The following CDH12 variants were observed in gnomAD, a reference collection of about 807,000 sequenced individuals.
CDH12 encodes the protein cadherin 12, also known as cadherin-12.
In CDH12, 41 loss-of-function variants were observed where a neutral mutation model predicts 74.1. The ratio of observed to expected loss-of-function variants is 0.55; its 90% CI spans 0.43 to 0.72. The LOEUF is 0.72. Among genes scored for constraint, CDH12 ranks in the 30% least tolerant of loss-of-function variants. The pLI is 0.00. For synonymous variants in CDH12, 399 were observed against 355.0 expected (o/e 1.12, Z -1.39); for missense variants, 945 against 977.2 (o/e 0.97, Z 0.44).
chr5:21,874,378 C>T (rs377064521), intron 6 of CDH12, among the ~76,000 whole-genome samples: 1 of 152,184 alleles, frequency 6.6e-6, no homozygotes, highest in Non-Finnish European at 1.5e-5. Context: ...GGGAAGGTGA[C>T]CGCATCCACC....
intron 1 of CDH12, among the ~76,000 whole-genome samples, chr5:22,790,274 G>A (rs1747841947): frequency 6.6e-6 from 1 of 151,926 alleles, no homozygotes; most frequent in Admixed American, 6.6e-5. Context: ...AGTTAAGGTG[G>A]CCTAGTGATA....
intron 1 of CDH12, among the ~76,000 whole-genome samples, chr5:22,689,842 A>T (rs1296181327): frequency 6.6e-6 from 1 of 152,104 alleles, no homozygotes; most frequent in East Asian, 1.9e-4. Flanking sequence ...GACAGAGATG[A>T]GTGGACAAAG....
intron 1 of CDH12, among the ~76,000 whole-genome samples, chr5:22,790,915 C>T (rs2126382390): frequency 6.6e-6 from 1 of 152,150 alleles, no homozygotes; most frequent in Admixed American, 6.5e-5. Flanking sequence ...ATTGAAAAGA[C>T]ACCTATGGCA....
chr5:21,905,763 A>C (rs963808575), intron 6 of CDH12, among the ~76,000 whole-genome samples: 1 of 152,176 alleles, frequency 6.6e-6, no homozygotes, highest in African/African-American at 2.4e-5. Context: ...TAAAGTATCT[A>C]TTGTTGCTCT....
intron 5 of CDH12, among the ~76,000 whole-genome samples, chr5:21,987,611 G>A (rs527516688): frequency 3.2e-4 from 48 of 152,294 alleles, no homozygotes; most frequent in Middle Eastern, 6.8e-3. Context: ...GAACAGAAAA[G>A]TTGAGTCTTA....
At chr5:22,343,323 CAGAGAGAGAGAGAGAGAGAGAG>C (rs377016972) in intron 3 of CDH12, among the ~76,000 whole-genome samples, 83 of 136,348 alleles carry the variant, frequency 6.1e-4, no homozygotes, top group African/African-American at 2.3e-3. Context: ...GACACACACA[CAGAGAGAGAGAGAGAGAGAGAG>C]AGAGAGAGAG....
At chr5:21,987,594 T>C (rs1757571349) in intron 5 of CDH12, among the ~76,000 whole-genome samples, 1 of 152,232 alleles carries the variant, frequency 6.6e-6, no homozygotes, top group African/African-American at 2.4e-5. Context: ...ATAGGATCTC[T>C]TGATCAGAAC....
chr5:22,183,032 T>G (rs1749729361), intron 4 of CDH12, among the ~76,000 whole-genome samples: 1 of 150,362 alleles, frequency 6.7e-6, no homozygotes, highest in Admixed American at 6.7e-5. Flanking sequence ...GAAACAAATT[T>G]GACAGTCATT....
At chr5:22,551,333 A>C (rs1372151597) in intron 1 of CDH12, among the ~76,000 whole-genome samples, 1 of 152,188 alleles carries the variant, frequency 6.6e-6, no homozygotes, top group Non-Finnish European at 1.5e-5. Context: ...AACTGAAAGA[A>C]AACAAATGTC....
At chr5:22,740,069 A>G (rs920669371) in intron 1 of CDH12, among the ~76,000 whole-genome samples, 2 of 152,166 alleles carry the variant, frequency 1.3e-5, no homozygotes, top group African/African-American at 4.8e-5. Context: ...TGGGGCAAAC[A>G]GGAATAAGTT....
chr5:21,803,070 A>G (rs987999460), intron 9 of CDH12, among the ~76,000 whole-genome samples: 3 of 152,114 alleles, frequency 2.0e-5, no homozygotes, highest in Non-Finnish European at 4.4e-5. Context: ...CTCTGCTCTT[A>G]TCCAATACTG....
At chr5:22,766,814 A>G (rs1746538691) in intron 1 of CDH12, among the ~76,000 whole-genome samples, 1 of 152,108 alleles carries the variant, frequency 6.6e-6, no homozygotes, top group South Asian at 2.1e-4. Flanking sequence ...TAATTTAGAG[A>G]TGAGTTAAAG....
intron 1 of CDH12, among the ~76,000 whole-genome samples, chr5:22,722,585 A>T (rs1033263763): frequency 6.6e-6 from 1 of 150,508 alleles, no homozygotes; most frequent in East Asian, 1.9e-4. Flanking sequence ...TTAAATACTC[A>T]CAAGTTCAAG....
chr5:22,760,682 AAAAAAAAAAAAAAAAAAAC>A (rs1368626530), intron 1 of CDH12, among the ~76,000 whole-genome samples: 2 of 149,644 alleles, frequency 1.3e-5, no homozygotes, highest in African/African-American at 4.9e-5. Flanking sequence ...CCGTCTCAAA[AAAAAAAAAAAAAAAAAAAC>A]AAAAAAAAAA....
chr5:22,222,077 A>G (rs1285287068), intron 3 of CDH12, among the ~76,000 whole-genome samples: 2 of 152,002 alleles, frequency 1.3e-5, no homozygotes, highest in African/African-American at 4.8e-5. Flanking sequence ...TACTGGATAT[A>G]AAATAGTCAC....
chr5:21,976,485 T>A (rs1757077212), intron 5 of CDH12, among the ~76,000 whole-genome samples: 1 of 150,526 alleles, frequency 6.6e-6, no homozygotes, highest in Non-Finnish European at 1.5e-5. Flanking sequence ...TAGTGCATCA[T>A]ATATAATTTT....
At chr5:22,466,869 A>G (rs2126597102) in intron 2 of CDH12, among the ~76,000 whole-genome samples, 1 of 132,994 alleles carries the variant, frequency 7.5e-6, no homozygotes, top group Middle Eastern at 4.9e-3. Flanking sequence ...GCTCACTGCA[A>G]CCTCTGCCTC....
intron 3 of CDH12, among the ~76,000 whole-genome samples, chr5:22,306,535 T>C (rs1164375773): frequency 1.3e-5 from 2 of 152,188 alleles, no homozygotes; most frequent in Non-Finnish European, 2.9e-5. Flanking sequence ...AGAAATTTAC[T>C]TTACTTTTCT....
chr5:22,637,597 G>C (rs966199676), intron 1 of CDH12, among the ~76,000 whole-genome samples: 12 of 152,220 alleles, frequency 7.9e-5, no homozygotes, highest in African/African-American at 2.9e-4. Flanking sequence ...GGCGCAGATT[G>C]CGCTTCCTCT....
Sources: allele counts gnomAD v4.1 joint callset (sites outside exome capture counted in the v4.1 genomes callset), GRCh38; gene constraint gnomAD v4.1.1; transcripts MANE v1.5; gene names NCBI Gene and HGNC (gene_info 2026-07-23, HGNC 2026-07-21).